Variants in GULP1 observed in about 807,000 individuals in gnomAD.
GULP1 encodes the protein GULP PTB domain containing engulfment adaptor 1.
Under a neutral mutation model 40.9 loss-of-function variants are expected in GULP1, and 19 were observed. The ratio of observed to expected loss-of-function variants is 0.46; its 90% CI spans 0.32 to 0.68. The LOEUF (loss-of-function observed/expected upper bound fraction) is 0.68. GULP1 is among the 30% of genes least tolerant of loss of function. GULP1 has a pLI of 0.03. For missense variants in GULP1, 312 were observed against 362.2 expected (o/e 0.86, Z 1.12); for synonymous variants, 119 against 117.6 (o/e 1.01, Z -0.08).
chr2:188,462,553 T>A (rs2059795997), intron 2 of GULP1, among the ~76,000 whole-genome samples: 1 of 152,178 alleles, frequency 6.6e-6, no homozygotes, highest in Non-Finnish European at 1.5e-5. Context: ...TTGGAGTCTA[T>A]CTCTTTAGGT....
chr2:188,351,477 G>A (rs759471893), intron 1 of GULP1, among the ~76,000 whole-genome samples: 1 of 152,060 alleles, frequency 6.6e-6, no homozygotes, highest in Non-Finnish European at 1.5e-5. Context: ...CAAATTTCAA[G>A]TCGCCTACCA....
chr2:188,348,086 G>A (rs976985615), intron 1 of GULP1, among the ~76,000 whole-genome samples: 36 of 152,248 alleles, frequency 2.4e-4, no homozygotes, highest in Middle Eastern at 3.4e-3. Flanking sequence ...GTAACTTATT[G>A]TGAAACTTTT....
chr2:188,390,225 T>G (rs1311552246), intron 2 of GULP1, among the ~76,000 whole-genome samples: 1 of 152,176 alleles, frequency 6.6e-6, no homozygotes, highest in East Asian at 1.9e-4. Context: ...TTGTACTGAT[T>G]TACATTCCCA....
In GULP1 at chr2:188,584,358, A is replaced by C. The variant is rs1339172128; in HGVS notation, c.703A>C (p.Asn235His). ...ISHQSSMPTR[N>H]GTQPPPVPSR... is the part of the protein sequence containing the mutation. ...ACACCAGTCTTCGATGCCTACTCGC[A>C]ATGGCACACAGCCACCTCCAGTACC... The change falls in exon 10 of 12, where the codon AAT (asparagine) becomes CAT (histidine). Residue 235 changes from asparagine (N) to histidine (H), a missense_variant. Transcript: ENST00000409830. 1.9e-6 allele frequency: 3 copies of C among 1,606,730 alleles called. No homozygotes were observed. In the Admixed American group the frequency reaches 5.0e-5, roughly 27 times the overall value.
At chr2:188,337,073 T>C (rs2042352879) in intron 1 of GULP1, among the ~76,000 whole-genome samples, 1 of 150,184 alleles carries the variant, frequency 6.7e-6, no homozygotes, top group South Asian at 2.1e-4. Context: ...TTGCTTCTCC[T>C]ATAAATATAT....
At chr2:188,515,706 GACACACACACAC>G (rs58687237) in intron 4 of GULP1, among the ~76,000 whole-genome samples, 1 of 145,450 alleles carries the variant, frequency 6.9e-6, no homozygotes, top group South Asian at 2.2e-4. Flanking sequence ...TACACACACA[GACACACACACAC>G]ACACACACAC....
At chr2:188,294,812 T>G (rs192229156) in intron 1 of GULP1, among the ~76,000 whole-genome samples, 9 of 152,304 alleles carry the variant, frequency 5.9e-5, no homozygotes, top group Admixed American at 5.2e-4. Flanking sequence ...TGAAATAATG[T>G]TAATAGGCTT....
chr2:188,343,846 G>T (rs955963800), intron 1 of GULP1, among the ~76,000 whole-genome samples: 1 of 151,990 alleles, frequency 6.6e-6, no homozygotes. Flanking sequence ...TCACCCAGAC[G>T]GGAGGGAGTG....
At chr2:188,476,767 A>G (rs1181313489) in intron 2 of GULP1, among the ~76,000 whole-genome samples, 1 of 152,112 alleles carries the variant, frequency 6.6e-6, no homozygotes, top group Non-Finnish European at 1.5e-5. Context: ...AGTAAGATTA[A>G]CTATTTTGTG....
intron 2 of GULP1, among the ~76,000 whole-genome samples, chr2:188,446,878 C>T (rs1055114082): frequency 1.7e-4 from 26 of 152,128 alleles, no homozygotes; most frequent in African/African-American, 6.0e-4. Flanking sequence ...GAAGTGTCAA[C>T]AAAAAGAGTC....
At chr2:188,491,748 C>T (rs2062411190) in intron 4 of GULP1, among the ~76,000 whole-genome samples, 1 of 152,038 alleles carries the variant, frequency 6.6e-6, no homozygotes, top group African/African-American at 2.4e-5. Flanking sequence ...TTTTAAGAGA[C>T]ATTTTAAAGG....
intron 1 of GULP1, among the ~76,000 whole-genome samples, chr2:188,379,262 T>C (rs1390891625): frequency 1.3e-5 from 2 of 152,158 alleles, no homozygotes; most frequent in Admixed American, 6.5e-5. Flanking sequence ...GAGTTTGTCA[T>C]GTCTCATCCG....
chr2:188,399,311 A>G, intron 2 of GULP1, among the ~76,000 whole-genome samples: 1 of 152,046 alleles, frequency 6.6e-6, no homozygotes, highest in Non-Finnish European at 1.5e-5. Flanking sequence ...CTAAATATGG[A>G]CCAATAGTAT....
intron 1 of GULP1, among the ~76,000 whole-genome samples, chr2:188,309,081 A>G (rs1016739147): frequency 6.6e-6 from 1 of 152,090 alleles, no homozygotes; most frequent in African/African-American, 2.4e-5. Context: ...GTTGTTTTTG[A>G]AATTGTTCCT....
At chr2:188,404,694 A>G (rs1413747743) in intron 2 of GULP1, among the ~76,000 whole-genome samples, 1 of 151,810 alleles carries the variant, frequency 6.6e-6, no homozygotes, top group Non-Finnish European at 1.5e-5. Context: ...TAGGCCATGG[A>G]CTGGTCCAGC....
intron 4 of GULP1, among the ~76,000 whole-genome samples, chr2:188,507,359 AGT>A (rs1053310052): frequency 2.7e-5 from 4 of 148,154 alleles, no homozygotes; most frequent in Admixed American, 1.3e-4. Context: ...TCACTAAACG[AGT>A]GTGTTTCTGG....
Position 188,398,715 on chromosome 2 carries a change from TAC to T in GULP1, c.-45+14829_-45+14830del, listed in dbSNP as rs201984102. ...ATTCATACTATGATGTATCACTTAT[TAC>T]ACTGAAGCTTTGACTTTCTTAGAGG... On this transcript the variant is annotated intron_variant, in intron 2 of 11. Coordinates refer to ENST00000409830, the MANE Select transcript of GULP1 (RefSeq NM_016315.4). Among the ~76,000 whole-genome samples the T allele has an allele frequency of 3.7e-3, 567 of 152,336 alleles. 3 individuals are homozygous for T. The highest frequency in any genetic ancestry group is 0.013 in the African/African-American group (535 of 41,580).
chr2:188,438,981 A>T (rs1175664127), intron 2 of GULP1, among the ~76,000 whole-genome samples: 1 of 152,092 alleles, frequency 6.6e-6, no homozygotes, highest in Non-Finnish European at 1.5e-5. Flanking sequence ...ATCCTTTCTT[A>T]AAAAAGAACT....
At chr2:188,380,561 TAGAAA>T (rs1424886033) in intron 1 of GULP1, among the ~76,000 whole-genome samples, 1 of 151,844 alleles carries the variant, frequency 6.6e-6, no homozygotes, top group Non-Finnish European at 1.5e-5. Context: ...AAGAAAAAAA[TAGAAA>T]AGAAAATCAG....
Sources: allele counts gnomAD v4.1 joint callset (sites outside exome capture counted in the v4.1 genomes callset), GRCh38; gene constraint gnomAD v4.1.1; transcripts MANE v1.5; gene names NCBI Gene and HGNC (gene_info 2026-07-23, HGNC 2026-07-21).